The following CNTNAP2 variants were observed in gnomAD, a reference collection of about 807,000 sequenced individuals.
CNTNAP2 encodes contactin-associated protein-like 2.
A neutral mutation model predicts 155.2 loss-of-function variants in CNTNAP2; 98 were observed. The observed-to-expected ratio is 0.63, with a 90% CI of 0.54 to 0.75. The LOEUF is 0.75. CNTNAP2 is among the 30% of genes least tolerant of loss of function. CNTNAP2 has a pLI of 0.00. For missense variants in CNTNAP2, 1,727 were observed against 1,688.1 expected (o/e 1.02, Z -0.40); for synonymous variants, 651 against 631.2 (o/e 1.03, Z -0.47).
intron 8 of CNTNAP2, among the ~76,000 whole-genome samples, chr7:147,286,740 C>T (rs1194027012): frequency 6.6e-6 from 1 of 152,090 alleles, no homozygotes; most frequent in African/African-American, 2.4e-5. Flanking sequence ...AAGTTCTTCT[C>T]CTTTATAGCT....
intron 8 of CNTNAP2, among the ~76,000 whole-genome samples, chr7:147,206,865 T>C (rs1362440036): frequency 6.6e-6 from 1 of 152,202 alleles, no homozygotes; most frequent in Admixed American, 6.5e-5. Flanking sequence ...CCCCTCTAGA[T>C]ATTTTAAATA....
chr7:147,525,605 G>A (rs1260552113), intron 11 of CNTNAP2, among the ~76,000 whole-genome samples: 1 of 152,134 alleles, frequency 6.6e-6, no homozygotes, highest in Non-Finnish European at 1.5e-5. Context: ...TAAAATATTG[G>A]ATATCTTAAA....
chr7:148,262,968 T>G (rs558985651), intron 20 of CNTNAP2: 1 of 152,308 alleles, frequency 6.6e-6, no homozygotes, highest in African/African-American at 2.4e-5. Context: ...TGCTTTTCCT[T>G]TGGGGTCCTC....
intron 12 of CNTNAP2, among the ~76,000 whole-genome samples, chr7:147,582,410 C>G (rs1563007712): frequency 6.6e-6 from 1 of 152,118 alleles, no homozygotes; most frequent in Non-Finnish European, 1.5e-5. Context: ...AAACTCTGGG[C>G]ATTTCAAATC....
intron 8 of CNTNAP2, among the ~76,000 whole-genome samples, chr7:147,210,949 T>C (rs1003661871): frequency 6.6e-6 from 1 of 151,894 alleles, no homozygotes; most frequent in African/African-American, 2.4e-5. Flanking sequence ...ATGCTTCGTA[T>C]GATTTAGATT....
intron 2 of CNTNAP2, among the ~76,000 whole-genome samples, chr7:146,830,247 G>T (rs1164277926): frequency 6.6e-6 from 1 of 151,964 alleles, no homozygotes; most frequent in Non-Finnish European, 1.5e-5. Flanking sequence ...TGATCTACAC[G>T]TTTTGACCTT....
intron 1 of CNTNAP2, among the ~76,000 whole-genome samples, chr7:146,320,922 TATA>T (rs138199973): frequency 0.039 from 5,993 of 152,158 alleles, 215 homozygotes; most frequent in African/African-American, 0.098. Flanking sequence ...AAATAAAAGA[TATA>T]ATATCTTTTA....
chr7:147,711,349 G>C (rs1485633789), intron 13 of CNTNAP2, among the ~76,000 whole-genome samples: 1 of 152,166 alleles, frequency 6.6e-6, no homozygotes, highest in African/African-American at 2.4e-5. Flanking sequence ...CCATAGAAGA[G>C]AGAGCTCATG....
At chr7:147,017,384 G>T (rs557085361) in intron 3 of CNTNAP2, among the ~76,000 whole-genome samples, 2 of 151,740 alleles carry the variant, frequency 1.3e-5, no homozygotes, top group South Asian at 4.2e-4. Context: ...TACTTTAGTA[G>T]GATTTCTCTA....
chr7:148,402,322 T>A (rs1206961197), intron 22 of CNTNAP2, among the ~76,000 whole-genome samples: 2 of 84,000 alleles, frequency 2.4e-5, no homozygotes, highest in Non-Finnish European at 6.6e-5. Flanking sequence ...GCTGGCTACT[T>A]TTTTTTTAGA....
intron 14 of CNTNAP2, among the ~76,000 whole-genome samples, chr7:147,910,931 A>AT (rs939752167): frequency 2.6e-5 from 4 of 151,974 alleles, no homozygotes; most frequent in Non-Finnish European, 2.9e-5. Flanking sequence ...GCACAATTTC[A>AT]TTTTTTTTCC....
chr7:146,525,565 TATCTATCTATCTCTCTATCTATC>T (rs1206953370), intron 1 of CNTNAP2, among the ~76,000 whole-genome samples: 269 of 148,030 alleles, frequency 1.8e-3, no homozygotes, highest in African/African-American at 6.8e-3. Flanking sequence ...TCTATCTATC[TATCTATCTATCTCTCTATCTATC>T]ATCTATCTAT....
chr7:146,718,635 A>G (rs1801232611), intron 1 of CNTNAP2, among the ~76,000 whole-genome samples: 3 of 152,158 alleles, frequency 2.0e-5, no homozygotes, highest in South Asian at 2.1e-4. Flanking sequence ...GGCTGTCACT[A>G]TCAGTTATCG....
chr7:147,632,056 G>A (rs1213111353), intron 12 of CNTNAP2, among the ~76,000 whole-genome samples: 1 of 152,126 alleles, frequency 6.6e-6, no homozygotes, highest in Non-Finnish European at 1.5e-5. Flanking sequence ...CCCACAGTGG[G>A]AGAAAATCTT....
At chr7:147,557,318 A>T (rs6976038) in intron 11 of CNTNAP2, among the ~76,000 whole-genome samples, 1 of 151,934 alleles carries the variant, frequency 6.6e-6, no homozygotes, top group Non-Finnish European at 1.5e-5. Context: ...TTTGCATGCT[A>T]TGAAATTCAA....
At chr7:146,583,547 A>G (rs558946347) in intron 1 of CNTNAP2, among the ~76,000 whole-genome samples, 1 of 152,280 alleles carries the variant, frequency 6.6e-6, no homozygotes, top group South Asian at 2.1e-4. Context: ...TTAACACACC[A>G]TTGCAGCTAT....
intron 1 of CNTNAP2, among the ~76,000 whole-genome samples, chr7:146,766,461 C>A (rs1032690720): frequency 2.6e-5 from 4 of 152,136 alleles, no homozygotes; most frequent in African/African-American, 9.7e-5. Flanking sequence ...ATTATTAGGT[C>A]TGTGTAGCCC....
intron 16 of CNTNAP2, among the ~76,000 whole-genome samples, chr7:148,119,619 A>G (rs1804557431): frequency 6.6e-6 from 1 of 152,178 alleles, no homozygotes. Context: ...ATGATCCCAA[A>G]TCCATTTCCC....
At chr7:146,307,658 C>T (rs1800739734) in intron 1 of CNTNAP2, among the ~76,000 whole-genome samples, 1 of 152,080 alleles carries the variant, frequency 6.6e-6, no homozygotes, top group East Asian at 1.9e-4. Flanking sequence ...CAGAATAGAG[C>T]CCTCAGAAAT....
Sources: gnomAD v4.1 joint callset for allele counts (sites outside exome capture counted in the v4.1 genomes callset) on GRCh38, gnomAD v4.1.1 for gene constraint, MANE v1.5 for transcripts, NCBI Gene and HGNC (gene_info 2026-07-23, HGNC 2026-07-21) for gene names.